The following ARHGEF33 variants were observed in gnomAD, a reference collection of about 807,000 sequenced individuals.
The protein encoded by ARHGEF33 is DH and coiled-coil domain-containing protein ENSP00000381780.
A neutral mutation model predicts 101.9 loss-of-function variants in ARHGEF33; 72 were observed. The ratio of observed to expected loss-of-function variants is 0.71; its 90% CI spans 0.58 to 0.86. ARHGEF33 has a LOEUF of 0.86. Among genes scored for constraint, ARHGEF33 ranks in the 40% least tolerant of loss-of-function variants. The pLI is 0.00. For missense variants in ARHGEF33, 1,169 were observed against 1,111.3 expected (o/e 1.05, Z -0.74); for synonymous variants, 499 against 442.5 (o/e 1.13, Z -1.60).
chr2:38,959,425 G>C (rs550111963), intron 15 of ARHGEF33: 117 of 160,022 alleles, frequency 7.3e-4, no homozygotes, highest in African/African-American at 2.8e-3. Context: ...ATCTAGGAAC[G>C]TAATTTGTTT....
chr2:38,953,318 C>T, intron 12 of ARHGEF33, 73 bp downstream of exon 12: 1 of 862,332 alleles, frequency 1.2e-6, no homozygotes, highest in South Asian at 1.4e-5. Flanking sequence ...TCCACCCAGT[C>T]AATACAGCGC....
intron 10 of ARHGEF33, among the ~76,000 whole-genome samples, chr2:38,947,135 C>A (rs1667470627): frequency 6.6e-6 from 1 of 152,194 alleles, no homozygotes; most frequent in African/African-American, 2.4e-5. Flanking sequence ...GCACTTTTTA[C>A]CCCATTGGAA....
chr2:38,930,763 G>A (rs893505031), intron 6 of ARHGEF33, among the ~76,000 whole-genome samples: 1 of 152,198 alleles, frequency 6.6e-6, no homozygotes, highest in Non-Finnish European at 1.5e-5. Flanking sequence ...ATACTTTTGA[G>A]TTGCATTGCT....
intron 10 of ARHGEF33, among the ~76,000 whole-genome samples, chr2:38,945,100 A>T (rs950152239): frequency 2.6e-5 from 4 of 152,206 alleles, no homozygotes; most frequent in African/African-American, 9.7e-5. Context: ...AGAAAAGGCC[A>T]ATCCAAAAGA....
rs1189325387 is a variant in ARHGEF33 at position 38,928,948 on chromosome 2, AG to A, written c.118del (p.Ala40GlnfsTer33). ...ASELKTGFTE[A>X]MQELSRIQHG... ...CCGAACTCAAAACTGGTTTCACAGAAGCAATGCAAGAACTGTCAAGAATTCA... is the reference window on the plus strand; with the variant it reads ...CCGAACTCAAAACTGGTTTCACAGAACAATGCAAGAACTGTCAAGAATTCA... On this transcript the variant is annotated frameshift_variant, in exon 5 of 18. Transcript: ENST00000409978. LOFTEE classifies it high-confidence loss of function. The A allele has an allele frequency of 6.4e-7, 1 of 1,551,150 alleles. No homozygotes were observed.
intron 2 of ARHGEF33, among the ~76,000 whole-genome samples, chr2:38,901,676 CG>C (rs1289068465): frequency 6.6e-6 from 1 of 152,132 alleles, no homozygotes; most frequent in Non-Finnish European, 1.5e-5. Flanking sequence ...TGGAGTCTTA[CG>C]GTCGTTCCAG....
In ARHGEF33 at chr2:38,934,354, TTTCTC is replaced by T. The variant is rs1436723652; in HGVS notation, c.506-1417_506-1413del. Among the ~76,000 whole-genome samples the T allele has an allele frequency of 3.9e-5, 6 of 152,196 alleles. No homozygotes were observed. The South Asian group carries it at 8.3e-4, about 21-fold the overall frequency. On this transcript the variant is annotated intron_variant, in intron 7 of 17. Coordinates refer to ENST00000409978, the MANE Select transcript of ARHGEF33 (RefSeq NM_001145451.5). ...GGCCGTGTTTTAACTTGCCTCTGCT[TTTCTC>T]TTCAGACTTATATTTTGTTACCCTC...
intron 9 of ARHGEF33, among the ~76,000 whole-genome samples, chr2:38,938,825 A>G (rs903299243): frequency 3.9e-5 from 6 of 152,248 alleles, no homozygotes; most frequent in Non-Finnish European, 8.8e-5. Context: ...TAAATGGAAT[A>G]ACACAGTGTA....
At chr2:38,919,221 A>G (rs1002837225) in intron 2 of ARHGEF33, 142 bp from the exon 3 acceptor site, 2 of 500,064 alleles carry the variant, frequency 4.0e-6, no homozygotes, top group African/African-American at 1.9e-5. Context: ...CTAAATGTGT[A>G]CTTAATTTAA....
chr2:38,941,816 A>G (rs1298107779), intron 9 of ARHGEF33, among the ~76,000 whole-genome samples: 1 of 152,048 alleles, frequency 6.6e-6, no homozygotes, highest in Non-Finnish European at 1.5e-5. Context: ...AAGTGCTGGG[A>G]TTACAGGTGT....
chr2:38,960,989 G>C (rs1043823839), intron 16 of ARHGEF33, among the ~76,000 whole-genome samples: 3 of 152,198 alleles, frequency 2.0e-5, no homozygotes, highest in African/African-American at 4.8e-5. Context: ...AGGGAGTTAT[G>C]GGTAATCTCT....
chr2:38,921,341 G>T, intron 3 of ARHGEF33, 33 bp from the exon 4 acceptor site: 1 of 1,349,572 alleles, frequency 7.4e-7, no homozygotes, highest in South Asian at 1.3e-5. Flanking sequence ...AGAATGAGTA[G>T]TGTTGATTAA....
At chr2:38,895,215 T>G (rs1666094081) in intron 1 of ARHGEF33, among the ~76,000 whole-genome samples, 2 of 152,204 alleles carry the variant, frequency 1.3e-5, no homozygotes, top group African/African-American at 4.8e-5. Flanking sequence ...TTCAGTGAAT[T>G]GGCCAAACTG....
intron 15 of ARHGEF33, chr2:38,959,462 C>G (rs941455218): frequency 5.6e-6 from 1 of 177,954 alleles, no homozygotes; most frequent in Non-Finnish European, 1.2e-5. Context: ...ACAAGTCGAA[C>G]AGAAGTTGAG....
rs1668225921 is a variant in ARHGEF33, at chr2:38,974,101, C to G, written c.*258C>G. 1 of 160,854 alleles carries G rather than the reference C, an allele frequency of 6.2e-6. No homozygotes were observed. The highest frequency in any genetic ancestry group is 1.3e-5 in the Non-Finnish European group (1 of 74,742). The allele number at this position is 160,854 out of a possible 1,614,324, so 10.0% of individuals were successfully genotyped here. On this transcript the variant is annotated 3_prime_UTR_variant, in exon 18 of 18. Coordinates refer to ENST00000409978, the MANE Select transcript of ARHGEF33 (RefSeq NM_001145451.5). ...AAAGGGAAATGAAGACTTTTCACAT[C>G]ATTACAGAAAAACACAATAAATTTG...
At chr2:38,952,811 A>G (rs1255532365) in intron 11 of ARHGEF33, among the ~76,000 whole-genome samples, 1 of 151,352 alleles carries the variant, frequency 6.6e-6, no homozygotes, top group African/African-American at 2.4e-5. Context: ...CCATTCTCCT[A>G]CCTCAGCCTC....
chr2:38,899,698 G>T lies in ARHGEF33; in HGVS notation c.-86+3849G>T, dbSNP rs141966716. ...ATTTCAAAATTGCTAAGGGAATAAA[G>T]TTGAAATGTTCTCACCACAACAATG... On this transcript the variant is annotated intron_variant, in intron 2 of 17. Coordinates refer to ENST00000409978, the MANE Select transcript of ARHGEF33 (RefSeq NM_001145451.5). Among the ~76,000 whole-genome samples the T allele has an allele frequency of 2.9e-3, 445 of 152,226 alleles. 3 individuals carry two copies. Among genetic ancestry groups the T allele is most frequent in the Middle Eastern group, 0.01 (3 of 294 alleles).
intron 9 of ARHGEF33, among the ~76,000 whole-genome samples, chr2:38,940,384 C>T (rs996060421): frequency 1.3e-4 from 20 of 151,600 alleles, no homozygotes; most frequent in Admixed American, 6.6e-5. Context: ...CTGCCTCAGC[C>T]TCCCAGGTAG....
intron 2 of ARHGEF33, among the ~76,000 whole-genome samples, chr2:38,896,593 A>T (rs1666127635): frequency 6.6e-6 from 1 of 152,216 alleles, no homozygotes; most frequent in Admixed American, 6.5e-5. Context: ...TATTATGCCC[A>T]CTTGACAGTT....
Sources: allele counts gnomAD v4.1 joint callset (sites outside exome capture counted in the v4.1 genomes callset), GRCh38; gene constraint gnomAD v4.1.1; transcripts MANE v1.5; gene names NCBI Gene and HGNC (gene_info 2026-07-23, HGNC 2026-07-21).